Variants in STAT1 observed in about 807,000 individuals in gnomAD.
STAT1 encodes signal transducer and activator of transcription 1-alpha/beta.
A neutral mutation model predicts 111.7 loss-of-function variants in STAT1; 24 were observed. That is an observed-to-expected ratio of 0.21 (90% CI 0.16 to 0.30). The LOEUF is 0.30. Ranked by LOEUF, STAT1 falls within the 10% of genes least tolerant of loss-of-function variation. The probability of loss-of-function intolerance (pLI) is 1.00; values close to 1 mark genes in which losing one functional copy is unlikely to be tolerated. For synonymous variants in STAT1, 332 were observed against 326.5 expected, an observed-to-expected ratio of 1.02 and a Z score of -0.18; for missense variants, 351 against 911.9, an observed-to-expected ratio of 0.38 and a Z score of 7.92.
Position 191,007,524 on chromosome 2 carries a change from AT to A in STAT1, c.372+38del, listed in dbSNP as rs749179059. ...GTATTTGATGAATGAATACATTTTTATTTTATTACAGTTTATGTGTTCAATG... is the reference window on the plus strand; with the variant it reads ...GTATTTGATGAATGAATACATTTTTATTTATTACAGTTTATGTGTTCAATG... On this transcript the variant is annotated intron_variant, in intron 5 of 24. Coordinates refer to ENST00000361099, the MANE Select transcript of STAT1 (RefSeq NM_007315.4). The surrounding 1 kb of genome is among the most constrained non-coding windows in gnomAD (Gnocchi z 4.2). 6.9e-7 allele frequency: 1 copy of A among 1,444,000 alleles called. No homozygotes were observed. 89.4% of individuals were successfully genotyped at this position (1,444,000 alleles called of 1,614,324 possible). A position where few individuals can be genotyped will look rare whatever the true frequency, so the allele number is the denominator to read the frequency against.
In STAT1 at chr2:190,979,347, G is replaced by A. The variant is rs1692166220; in HGVS notation, c.1728-346C>T. On this transcript the variant is annotated intron_variant, in intron 20 of 24. Transcript: ENST00000361099. The surrounding 1 kb of genome is among the most constrained non-coding windows in gnomAD (Gnocchi z 5.8). ...CTTTTTTACTGGAGAGGAAGACCTA[G>A]GCAATATATTTTCATATTTTAGCCC... Among the ~76,000 whole-genome samples, 1 of 152,160 alleles carries A rather than the reference G, an allele frequency of 6.6e-6. No homozygotes were observed. Among genetic ancestry groups the A allele is most frequent in the African/African-American group, 2.4e-5 (1 of 41,420 alleles).
At chr2:191,013,017 G>C (rs889446907) in intron 2 of STAT1, among the ~76,000 whole-genome samples, 1 of 152,210 alleles carries the variant, frequency 6.6e-6, no homozygotes, top group African/African-American at 2.4e-5. Flanking sequence ...CCCGGCGGGG[G>C]AAGGTGGGTG....
chr2:191,013,732 G>A (rs901286051), intron 1 of STAT1, 54 bp from the exon 2 acceptor site: 1 of 398,584 alleles, frequency 2.5e-6, no homozygotes, highest in African/African-American at 2.1e-5. Flanking sequence ...GGGAGAAAGT[G>A]ACGGTAAATG....
rs552097704 is a variant in STAT1, at chr2:190,987,105, T to C, written c.1098-37A>G. ...ATATATATAATCACATATGCGTATT[T>C]AAAATTTGAAATAAGCTTTAACAAA... On this transcript the variant is annotated intron_variant, in intron 12 of 24. Transcript: ENST00000361099. This position sits in a 1 kb window ranked among gnomAD's most constrained non-coding sequence, Gnocchi z 4.0. The C allele has an allele frequency of 1.6e-5, 24 of 1,510,202 alleles. No individual in the cohort carries two copies. In the Admixed American group the frequency reaches 3.4e-4, roughly 21 times the overall value. 93.6% of individuals were successfully genotyped at this position (1,510,202 alleles called of 1,614,324 possible).
chr2:190,974,466 C>T lies in STAT1; in HGVS notation c.2238+364G>A, dbSNP rs1034130816. Among the ~76,000 whole-genome samples, 4 of 152,190 alleles carry T rather than the reference C, an allele frequency of 2.6e-5. No homozygotes were observed. Among genetic ancestry groups the T allele is most frequent in the Non-Finnish European group, 4.4e-5 (3 of 68,034 alleles). ...CCTTTCTAAAAATAACACTCCCTCC[C>T]CTAGACACAGTGATGAAATCGCATT... On this transcript the variant is annotated intron_variant, in intron 24 of 24. Coordinates refer to ENST00000361099, the MANE Select transcript of STAT1 (RefSeq NM_007315.4). This position sits in a 1 kb window ranked among gnomAD's most constrained non-coding sequence, Gnocchi z 4.8.
intron 2 of STAT1, chr2:191,010,413 T>C (rs1695033151): frequency 4.2e-6 from 2 of 470,718 alleles, no homozygotes; most frequent in Non-Finnish European, 4.4e-6. Context: ...CTTGAAGGGA[T>C]GGATGTTGGT....
chr2:191,013,987 C>G, intron 1 of STAT1, 31 bp downstream of exon 1: 1 of 246,526 alleles, frequency 4.1e-6, no homozygotes, highest in Non-Finnish European at 7.7e-6. Context: ...CGCGTCCCAC[C>G]CCCGGCACCC....
chr2:190,990,442 TAAG>T lies in STAT1; in HGVS notation c.1038-771_1038-769del, dbSNP rs1194590008. 6.6e-6 allele frequency among the ~76,000 whole-genome samples: 1 copy of T among 152,208 alleles called. No individual in the cohort carries two copies. Among genetic ancestry groups the T allele is most frequent in the Non-Finnish European group, 1.5e-5 (1 of 68,028 alleles). On this transcript the variant is annotated intron_variant, in intron 11 of 24. Coordinates refer to ENST00000361099, the MANE Select transcript of STAT1 (RefSeq NM_007315.4). This position sits in a 1 kb window ranked among gnomAD's most constrained non-coding sequence, Gnocchi z 5.1. ...TTCTTCAGCGTCTAGCTACTCATCA[TAAG>T]AAGAATGCTTAAAGCAATGCAGCCA...
Position 190,970,128 on chromosome 2 carries a change from CA to C in STAT1, c.*574del, listed in dbSNP as rs1467489667. 2.5e-5 allele frequency: 4 copies of C among 161,192 alleles called. No homozygotes were observed. The highest frequency in any genetic ancestry group is 9.6e-5 in the African/African-American group (4 of 41,614). 10.0% of individuals were successfully genotyped at this position (161,192 alleles called of 1,614,324 possible). On this transcript the variant is annotated 3_prime_UTR_variant, in exon 25 of 25. Transcript: ENST00000361099. This position sits in a 1 kb window ranked among gnomAD's most constrained non-coding sequence, Gnocchi z 5.4. ...AATGTGAAAGATGTAATAAAATACA[CA>C]TTTTCCCCCTACCAGATCCATGATG... is the stretch of plus-strand genomic sequence containing the variant.
In STAT1 at chr2:190,984,527, T is replaced by G. The variant is rs1692636198; in HGVS notation, c.1264-134A>C. 1 of 722,272 alleles carries G rather than the reference T, an allele frequency of 1.4e-6. No homozygotes were observed. Among genetic ancestry groups the G allele is most frequent in the Non-Finnish European group, 2.5e-6 (1 of 405,388 alleles). The allele number at this position is 722,272 out of a possible 1,614,324, so 44.7% of individuals were successfully genotyped here. ...AGTGGCAAGTCTGAAGACTCAATAT[T>G]CAATCTCTCCCAGATTTAATGATTC... On this transcript the variant is annotated intron_variant, in intron 15 of 24. Coordinates refer to ENST00000361099, the MANE Select transcript of STAT1 (RefSeq NM_007315.4). This position sits in a 1 kb window ranked among gnomAD's most constrained non-coding sequence, Gnocchi z 5.2.
intron 11 of STAT1, 69 bp downstream of exon 11, chr2:190,991,159 T>C: frequency 1.3e-6 from 2 of 1,499,378 alleles, no homozygotes; most frequent in Middle Eastern, 1.8e-4. Context: ...TAACAGTTTT[T>C]ATAAAAGGAA....
Position 190,980,059 on chromosome 2 carries a change from G to C in STAT1, c.1633-193C>G, listed in dbSNP as rs1483882566. 6.6e-6 allele frequency among the ~76,000 whole-genome samples: 1 copy of C among 152,112 alleles called. No individual in the cohort carries two copies. Among genetic ancestry groups the C allele is most frequent in the African/African-American group, 2.4e-5 (1 of 41,406 alleles). ...CCGCTCTTATCAGCATTCAGACCAG[G>C]AGCTCTCCAGAGCTCTCCACTTCCC... On this transcript the variant is annotated intron_variant, in intron 19 of 24. Coordinates refer to ENST00000361099, the MANE Select transcript of STAT1 (RefSeq NM_007315.4). This position sits in a 1 kb window ranked among gnomAD's most constrained non-coding sequence, Gnocchi z 6.1.
rs1412430998 is a variant in STAT1 at position 190,997,776 on chromosome 2, C to T, written c.785+80G>A. 4.4e-6 allele frequency: 7 copies of T among 1,599,118 alleles called. No homozygotes were observed. Among genetic ancestry groups the T allele is most frequent in the Non-Finnish European group, 6.0e-6 (7 of 1,170,960 alleles). On this transcript the variant is annotated intron_variant, in intron 9 of 24. Coordinates refer to ENST00000361099, the MANE Select transcript of STAT1 (RefSeq NM_007315.4). The surrounding 1 kb of genome is among the most constrained non-coding windows in gnomAD (Gnocchi z 7.3). ...TAATGTTTTGACAGGGTCCATTCAA[C>T]TAACACAGCTCAAAGGTACATTTAT...
chr2:190,999,712 C>G lies in STAT1; in HGVS notation c.463-8G>C, dbSNP rs2066794. ...GATTTCATGCTCTATACACTACAAA[C>G]AAAGATGTAAACATGTTTTCTACTG... On this transcript the variant is annotated splice_region_variant and splice_polypyrimidine_tract_variant and intron_variant, in intron 6 of 24. Coordinates refer to ENST00000361099, the MANE Select transcript of STAT1 (RefSeq NM_007315.4). This position sits in a 1 kb window ranked among gnomAD's most constrained non-coding sequence, Gnocchi z 4.1. The G allele has an allele frequency of 5.6e-4, 902 of 1,604,434 alleles. 3 individuals carry two copies. In the African/African-American group the frequency reaches 0.011, roughly 20 times the overall value.
rs529153072 is a variant in STAT1 at position 190,982,896 on chromosome 2, T to C, written c.1447-378A>G. Among the ~76,000 whole-genome samples, 1 of 152,320 alleles carries C rather than the reference T, an allele frequency of 6.6e-6. No individual in the cohort carries two copies. The highest frequency in any genetic ancestry group is 1.5e-5 in the Non-Finnish European group (1 of 68,028). ...CTCTCATAAGAAAAACGTGTCCTTT[T>C]TGAAGCCTATTTAGCGCCATGTTTT... On this transcript the variant is annotated intron_variant, in intron 17 of 24. Transcript: ENST00000361099. The surrounding 1 kb of genome is among the most constrained non-coding windows in gnomAD (Gnocchi z 7.3).
chr2:190,970,341 A>T lies in STAT1; in HGVS notation c.*362T>A, dbSNP rs886055377. On this transcript the variant is annotated 3_prime_UTR_variant, in exon 25 of 25. Coordinates refer to ENST00000361099, the MANE Select transcript of STAT1 (RefSeq NM_007315.4). The surrounding 1 kb of genome is among the most constrained non-coding windows in gnomAD (Gnocchi z 5.4). ...TAACCACTGATTTATCCAACAACCT[A>T]TAACAGTTGGGCACTGACTTTATGC... 1.1e-5 allele frequency: 4 copies of T among 357,000 alleles called. No homozygotes were observed. Among genetic ancestry groups the T allele is most frequent in the African/African-American group, 8.4e-5 (4 of 47,502 alleles). The allele number at this position is 357,000 out of a possible 1,614,324, so 22.1% of individuals were successfully genotyped here.
At position 190,995,803 on chromosome 2, in the gene STAT1, C is replaced by G. The variant is rs10167514; in HGVS notation, c.786-584G>C. Among the ~76,000 whole-genome samples, 2 of 152,056 alleles carry G rather than the reference C, an allele frequency of 1.3e-5. No individual in the cohort carries two copies. Among genetic ancestry groups the G allele is most frequent in the African/African-American group, 2.4e-5 (1 of 41,412 alleles). On this transcript the variant is annotated intron_variant, in intron 9 of 24. Coordinates refer to ENST00000361099, the MANE Select transcript of STAT1 (RefSeq NM_007315.4). This position sits in a 1 kb window ranked among gnomAD's most constrained non-coding sequence, Gnocchi z 4.2. Reference sequence around the variant, plus strand: ...ACTAACATGCACTGAATGATTACAGCCTACATCAAAAACTTCTACACACCA... The same window carrying G: ...ACTAACATGCACTGAATGATTACAGGCTACATCAAAAACTTCTACACACCA...
chr2:190,976,904 C>T lies in STAT1; in HGVS notation c.1995G>A (p.Lys665=). The T allele has an allele frequency of 1.2e-6, 2 of 1,614,146 alleles. No individual in the cohort carries two copies. Among genetic ancestry groups the T allele is most frequent in the Non-Finnish European group, 1.7e-6 (2 of 1,180,000 alleles). Residue 665 remains lysine (K), a synonymous_variant, in exon 22 of 25, where the codon AAG becomes AAA. Coordinates refer to ENST00000361099, the MANE Select transcript of STAT1 (RefSeq NM_007315.4). The surrounding 1 kb of genome is among the most constrained non-coding windows in gnomAD (Gnocchi z 6.0). ...CTTTGTCAATATTTGGATACAGATA[C>T]TTCAGGGGATTCTCAGGAATATTCT... ...AAENIPENPL[K]YLYPNIDKDH... is the part of the protein sequence containing the mutation.
At chr2:191,009,185 C>G (rs1053083924) in intron 3 of STAT1, 78 bp from the exon 4 acceptor site, 3 of 1,495,358 alleles carry the variant, frequency 2.0e-6, no homozygotes, top group African/African-American at 2.8e-5. Flanking sequence ...TGTTGGTTTC[C>G]TTATTGAAAT....
Sources: allele counts gnomAD v4.1 joint callset (sites outside exome capture counted in the v4.1 genomes callset), GRCh38; gene constraint gnomAD v4.1.1; non-coding constraint Gnocchi (gnomAD v3.1); transcripts MANE v1.5; gene names NCBI Gene and HGNC (gene_info 2026-07-23, HGNC 2026-07-21).